CDKL5: variants seen among roughly 807,000 people sequenced by gnomAD.
CDKL5 encodes cyclin-dependent kinase-like 5.
CDKL5 carries 8 observed loss-of-function variants against 61.7 expected under a neutral mutation model. The ratio of observed to expected loss-of-function variants is 0.13; its 90% confidence interval spans 0.08 to 0.23. The LOEUF (loss-of-function observed/expected upper bound fraction) is 0.23, where lower values mean the gene tolerates loss of function less well. Among genes scored for constraint, CDKL5 ranks in the 10% least tolerant of loss-of-function variants. The pLI, the probability that CDKL5 is intolerant of heterozygous loss-of-function variation, is 1.00. For synonymous variants in CDKL5, 275 were observed against 272.3 expected, an observed-to-expected ratio of 1.01 and a Z score of -0.10; for missense variants, 440 against 734.5, an observed-to-expected ratio of 0.60 and a Z score of 4.63.
chrX:18,644,662 CT>C (rs770056702), downstream of CDKL5: 16 of 1,177,626 alleles, frequency 1.4e-5, no homozygotes, highest in African/African-American at 3.6e-5. Flanking sequence ...GAGACTCCCC[CT>C]GTGCATGTCT....
intron 15 of CDKL5, among the ~76,000 whole-genome samples, chrX:18,619,598 A>G (rs1019679180): frequency 1.8e-5 from 2 of 112,111 alleles, no homozygotes; most frequent in Non-Finnish European, 3.8e-5. Context: ...GGTCTTCAAC[A>G]GCATGGAAAT....
At chrX:18,498,186 C>T (rs1165974109) in intron 1 of CDKL5, among the ~76,000 whole-genome samples, 1 of 110,923 alleles carries the variant, frequency 9.0e-6, no homozygotes, top group East Asian at 2.8e-4. Context: ...GATTTTTTTA[C>T]AATAAACACT....
In CDKL5 at chrX:18,629,704, T is replaced by A. The variant is rs932409453; in HGVS notation, c.*947T>A. The A allele has an allele frequency of 1.3e-6, 1 of 752,090 alleles. No individual in the cohort carries two copies. The highest frequency in any genetic ancestry group is 2.3e-5 in the African/African-American group (1 of 43,121). 62.0% of individuals were successfully genotyped at this position (752,090 alleles called of 1,213,427 possible). The stretch of plus-strand genomic sequence containing the variant: ...GAGATGCAGCATCTCTTTCCAAACC[T>A]GCAGGGGAAGAAAGTCAGATAGGCC... On this transcript the variant is annotated 3_prime_UTR_variant, in exon 18 of 18. Coordinates refer to ENST00000623535, the MANE Select transcript of CDKL5 (RefSeq NM_001323289.2).
At chrX:18,437,311 T>G (rs1931632558) in intron 1 of CDKL5, among the ~76,000 whole-genome samples, 1 of 112,111 alleles carries the variant, frequency 8.9e-6, no homozygotes, top group Admixed American at 9.5e-5. Context: ...TATCCCTCAC[T>G]GTTCTGTTAA....
In CDKL5 at chrX:18,457,960, G is replaced by C. The variant is rs1336174223; in HGVS notation, c.-163+32265G>C. ...TTTGAGATGGAGTTTCACTCTTGTT[G>C]CCCAGAGTGGAGTGCAATGGTGCGA... On this transcript the variant is annotated intron_variant, in intron 1 of 17. Coordinates refer to ENST00000623535, the MANE Select transcript of CDKL5 (RefSeq NM_001323289.2). 4.3e-5 allele frequency among the ~76,000 whole-genome samples: 3 copies of C among 70,469 alleles called. No individual in the cohort carries two copies. In the Admixed American group the frequency reaches 6.8e-4, roughly 16 times the overall value. 61.2% of individuals were successfully genotyped at this position (70,469 alleles called of 115,157 possible).
At position 18,646,107 on chromosome X, in the gene CDKL5, G is replaced by A. The variant is rs1927762103; in HGVS notation, c.2797+17G>A. The A allele has an allele frequency of 2.5e-6, 3 of 1,209,362 alleles. No homozygotes were observed. Among genetic ancestry groups the A allele is most frequent in the East Asian group, 3.0e-5 (1 of 33,730 alleles). ...AACAACAAGGTAGAGTCTGGGCCCC[G>A]CATGCCATCAAGCTGCCATAACGAC... On this transcript the variant is annotated intron_variant, in intron 20 of 21. Coordinates refer to the CDKL5 transcript ENST00000379989.
intron 15 of CDKL5, among the ~76,000 whole-genome samples, chrX:18,617,485 A>G (rs1358549750): frequency 3.6e-5 from 4 of 112,086 alleles, no homozygotes; most frequent in Admixed American, 9.4e-5. Flanking sequence ...ACCCTTACCC[A>G]TATGGCTCAG....
intron 3 of CDKL5, among the ~76,000 whole-genome samples, chrX:18,528,149 T>G (rs746172228): frequency 9.1e-6 from 1 of 110,388 alleles, no homozygotes; most frequent in African/African-American, 3.3e-5. Flanking sequence ...GAGAAGAATG[T>G]GTATTCTGCT....
At position 18,518,050 on chromosome X, in the gene CDKL5, G is replaced by A. The variant is rs754755155; in HGVS notation, c.99+7196G>A. On this transcript the variant is annotated intron_variant, in intron 3 of 17. Transcript: ENST00000623535. ...GTCGTGATCTATTTCTACATAAAAA[G>A]TAATCCAACACTGATTTACTGTGTA... Among the ~76,000 whole-genome samples the A allele has an allele frequency of 1.5e-4, 17 of 111,314 alleles. No individual in the cohort carries two copies. In the South Asian group the frequency reaches 6.0e-3, roughly 39 times the overall value.
In CDKL5 at chrX:18,575,376, G is replaced by A. The variant is rs759058148; in HGVS notation, c.168G>A (p.Thr56=). 4 of 1,208,108 alleles carry A rather than the reference G, an allele frequency of 3.3e-6. No individual in the cohort carries two copies. The highest frequency in any genetic ancestry group is 3.5e-5 in the South Asian group (2 of 56,884). ...TAGAAAATGAAGAAGTCAAAGAAAC[G>A]ACTTTACGAGAGCTTAAAATGCTTC... ...DSEENEEVKE[T]TLRELKMLRT... The change falls in exon 5 of 18, where the codon ACG becomes ACA. Residue 56 remains threonine, a synonymous_variant. Transcript: ENST00000623535.
In CDKL5 at chrX:18,634,126, A is replaced by C. The variant is rs1385373939; in HGVS notation, c.*5369A>C. ...TATTTCGATCCTCCTTTGGAATCTG[A>C]AAATCGGTCTCCATGTTGTATGCAG... On this transcript the variant is annotated 3_prime_UTR_variant, in exon 18 of 18. Coordinates refer to ENST00000623535, the MANE Select transcript of CDKL5 (RefSeq NM_001323289.2). 2 of 751,945 alleles carry C rather than the reference A, an allele frequency of 2.7e-6. No individual in the cohort carries two copies. Among genetic ancestry groups the C allele is most frequent in the Non-Finnish European group, 3.1e-6 (2 of 638,799 alleles). 62.0% of individuals were successfully genotyped at this position (751,945 alleles called of 1,213,427 possible).
At position 18,615,370 on chromosome X, in the gene CDKL5, C is replaced by CA. The variant is rs1441944356; in HGVS notation, c.2276+2101dup. On this transcript the variant is annotated intron_variant, in intron 15 of 17. Transcript: ENST00000623535. Reference sequence around the variant, plus strand: ...AGAGAAATGCACATTTGGTAACTTACAAAAAACATCAAAGAGCCTTGTTAT... The same window carrying CA: ...AGAGAAATGCACATTTGGTAACTTACAAAAAAACATCAAAGAGCCTTGTTAT... Among the ~76,000 whole-genome samples, 5 of 111,927 alleles carry CA rather than the reference C, an allele frequency of 4.5e-5. No homozygotes were observed. The East Asian group carries it at 8.4e-4, about 19-fold the overall frequency.
At chrX:18,490,468 A>G (rs1023806089) in intron 1 of CDKL5, among the ~76,000 whole-genome samples, 8 of 102,986 alleles carry the variant, frequency 7.8e-5, no homozygotes, top group Admixed American at 6.3e-4. Context: ...CTGTCTGGGG[A>G]AAAAAAAAAA....
At chrX:18,441,013 G>A (rs1022698219) in intron 1 of CDKL5, among the ~76,000 whole-genome samples, 1 of 111,521 alleles carries the variant, frequency 9.0e-6, no homozygotes, top group African/African-American at 3.3e-5. Context: ...GGAAGAGGGA[G>A]GAGGTTGAGG....
chrX:18,532,034 G>T (rs1045491656), intron 3 of CDKL5, among the ~76,000 whole-genome samples: 2 of 112,253 alleles, frequency 1.8e-5, no homozygotes, highest in Admixed American at 9.4e-5. Context: ...AAGGACAGGA[G>T]TGATGGTATC....
downstream of CDKL5, among the ~76,000 whole-genome samples, chrX:18,642,599 C>T (rs1197663895): frequency 8.9e-6 from 1 of 112,252 alleles, no homozygotes; most frequent in Non-Finnish European, 1.9e-5. Context: ...CCACATCACA[C>T]TTACATGTTC....
chrX:18,532,052 T>TCCAAGTGATG (rs1923668505), intron 3 of CDKL5, among the ~76,000 whole-genome samples: 1 of 112,155 alleles, frequency 8.9e-6, no homozygotes, highest in African/African-American at 3.2e-5. Flanking sequence ...ATCCAAGCAC[T>TCCAAGTGATG]GTATGGGTTG....
chrX:18,527,730 A>AT (rs1014239850), intron 3 of CDKL5, among the ~76,000 whole-genome samples: 1 of 110,582 alleles, frequency 9.0e-6, no homozygotes, highest in African/African-American at 3.3e-5. Context: ...GTAATTAAAA[A>AT]TTTTTTTTCT....
intron 1 of CDKL5, among the ~76,000 whole-genome samples, chrX:18,439,229 G>A (rs908607501): frequency 9.1e-6 from 1 of 109,818 alleles, no homozygotes; most frequent in Non-Finnish European, 1.9e-5. Flanking sequence ...AAATGAGTAG[G>A]TGCTAATAGC....
Sources: gnomAD v4.1 joint callset for allele counts (sites outside exome capture counted in the v4.1 genomes callset) on GRCh38, gnomAD v4.1.1 for gene constraint, MANE v1.5 for transcripts, NCBI Gene and HGNC (gene_info 2026-07-23, HGNC 2026-07-21) for gene names.